The following CFAP43 variants were observed in gnomAD, a reference collection of about 807,000 sequenced individuals.
CFAP43 encodes the protein cilia- and flagella-associated protein 43.
A neutral mutation model predicts 218.9 loss-of-function variants in CFAP43; 155 were observed. The ratio of observed to expected loss-of-function variants is 0.71; its 90% CI spans 0.62 to 0.81. CFAP43 has a LOEUF of 0.81. CFAP43 is among the 30% of genes least tolerant of loss of function. The pLI, the probability that CFAP43 is intolerant of heterozygous loss-of-function variation, is 0.00. For synonymous variants in CFAP43, 645 were observed against 681.3 expected, an observed-to-expected ratio of 0.95 and a Z score of 0.83; for missense variants, 1,778 against 1,954.3, an observed-to-expected ratio of 0.91 and a Z score of 1.70.
At chr10:104,189,994 C>T (rs1030727087) in intron 12 of CFAP43, among the ~76,000 whole-genome samples, 1 of 152,072 alleles carries the variant, frequency 6.6e-6, no homozygotes, top group Admixed American at 6.5e-5. Flanking sequence ...GGTGAAACCC[C>T]GTTTCTACTA....
At chr10:104,173,344 G>A (rs1044716440) in intron 19 of CFAP43, among the ~76,000 whole-genome samples, 2 of 152,292 alleles carry the variant, frequency 1.3e-5, no homozygotes, top group Non-Finnish European at 1.5e-5. Context: ...ACTGAAAGAC[G>A]GAAATCAGAT....
At chr10:104,164,456 G>A (rs1184564217) in intron 23 of CFAP43, among the ~76,000 whole-genome samples, 156 bp from the exon 24 acceptor site, 3 of 148,998 alleles carry the variant, frequency 2.0e-5, no homozygotes, top group Non-Finnish European at 4.4e-5. Flanking sequence ...GGAGTGCAGT[G>A]GCATGATCTC....
intron 34 of CFAP43, among the ~76,000 whole-genome samples, chr10:104,136,053 C>T (rs1307328980): frequency 1.3e-5 from 2 of 151,672 alleles, no homozygotes; most frequent in African/African-American, 2.4e-5. Context: ...AGTTTGAGAC[C>T]AGCCTGGCCA....
chr10:104,192,118 C>T, intron 12 of CFAP43, 81 bp downstream of exon 12: 1 of 1,045,002 alleles, frequency 9.6e-7, no homozygotes, highest in Non-Finnish European at 1.4e-6. Flanking sequence ...TTTCAATATT[C>T]AATATGAAAA....
At chr10:104,186,237 AT>A in intron 14 of CFAP43, 114 bp from the exon 15 acceptor site, 1 of 824,192 alleles carries the variant, frequency 1.2e-6, no homozygotes, top group Non-Finnish European at 1.7e-6. Context: ...ATGATATGGC[AT>A]AAAGTGCAAA....
chr10:104,197,815 T>C, intron 9 of CFAP43, 107 bp downstream of exon 9: 1 of 755,910 alleles, frequency 1.3e-6, no homozygotes, highest in Non-Finnish European at 2.2e-6. Flanking sequence ...TCGCATTGCT[T>C]TGCCCATGAA....
In CFAP43 at chr10:104,206,069, A is replaced by G. The variant is rs757887422; in HGVS notation, c.896-39T>C. 40 of 1,486,906 alleles carry G rather than the reference A, an allele frequency of 2.7e-5. 1 individual carries two copies. In the South Asian group the frequency reaches 4.8e-4, roughly 18 times the overall value. The allele number at this position is 1,486,906 out of a possible 1,614,324, so 92.1% of individuals were successfully genotyped here. A position where few individuals can be genotyped will look rare whatever the true frequency, so the allele number is the denominator to read the frequency against. ...AAAACAAGGTAAAGCAGGTGACGTA[A>G]TTAAAAGTACAATGTAACAATGAAT... On this transcript the variant is annotated intron_variant, in intron 6 of 37. Transcript: ENST00000357060.
chr10:104,225,235 A>G (rs141680249), intron 3 of CFAP43, among the ~76,000 whole-genome samples: 7 of 152,332 alleles, frequency 4.6e-5, no homozygotes, highest in South Asian at 2.1e-4. Context: ...AAGCATGTTA[A>G]TGAAAGAGAA....
intron 28 of CFAP43, among the ~76,000 whole-genome samples, chr10:104,149,312 C>A (rs149705136): frequency 6.3e-4 from 96 of 152,236 alleles, no homozygotes; most frequent in Non-Finnish European, 1.1e-3. Context: ...ACTCAACGCC[C>A]GGGTCCATTA....
At chr10:104,137,550 G>A (rs767788285) in intron 34 of CFAP43, among the ~76,000 whole-genome samples, 88 of 152,180 alleles carry the variant, frequency 5.8e-4, no homozygotes, top group Non-Finnish European at 1.2e-3. Context: ...CCTCACTCCT[G>A]TAATTCCAGC....
intron 25 of CFAP43, 79 bp from the exon 26 acceptor site, chr10:104,162,120 C>A: frequency 6.9e-7 from 1 of 1,441,096 alleles, no homozygotes; most frequent in Non-Finnish European, 9.6e-7. Context: ...CAGCTTCCCA[C>A]CCAACATTAG....
At chr10:104,207,847 T>A in intron 5 of CFAP43, 23 bp from the exon 6 acceptor site, 6 of 1,586,918 alleles carry the variant, frequency 3.8e-6, no homozygotes, top group Non-Finnish European at 5.1e-6. Context: ...AATAAAACCT[T>A]GTGTTAAGAA....
chr10:104,195,673 G>C (rs765565917), intron 10 of CFAP43, among the ~76,000 whole-genome samples: 2 of 152,084 alleles, frequency 1.3e-5, no homozygotes, highest in Admixed American at 6.5e-5. Flanking sequence ...ACTGTGTAAT[G>C]CAGCAAATAA....
chr10:104,180,869 T>A (rs1589719418), intron 17 of CFAP43, among the ~76,000 whole-genome samples: 2 of 152,262 alleles, frequency 1.3e-5, no homozygotes, highest in East Asian at 3.9e-4. Flanking sequence ...GTCCTCTGCA[T>A]CCCTGAACTC....
intron 12 of CFAP43, among the ~76,000 whole-genome samples, chr10:104,191,943 T>TTAA (rs2090237869): frequency 6.6e-6 from 1 of 152,154 alleles, no homozygotes; most frequent in Non-Finnish European, 1.5e-5. Flanking sequence ...AGCCATTTCA[T>TTAA]TAATGTATTT....
At chr10:104,207,627 A>G in intron 6 of CFAP43, 38 bp downstream of exon 6, 1 of 1,577,968 alleles carries the variant, frequency 6.3e-7, no homozygotes, top group Non-Finnish European at 8.6e-7. Context: ...ACCAACACCC[A>G]TGGCTATACA....
chr10:104,161,865 T>A (rs1361753545), intron 26 of CFAP43, 96 bp downstream of exon 26: 1 of 1,139,510 alleles, frequency 8.8e-7, no homozygotes, highest in Non-Finnish European at 1.3e-6. Context: ...GCTGTAGAAC[T>A]TCTAAAACCC....
intron 32 of CFAP43, 56 bp downstream of exon 32, chr10:104,143,370 A>G: frequency 6.8e-7 from 1 of 1,469,144 alleles, no homozygotes; most frequent in Non-Finnish European, 9.3e-7. Context: ...ACCAATGTAA[A>G]CTATGTATTT....
At chr10:104,207,990 T>C (rs1322589481) in intron 5 of CFAP43, among the ~76,000 whole-genome samples, 166 bp from the exon 6 acceptor site, 1 of 152,222 alleles carries the variant, frequency 6.6e-6, no homozygotes, top group African/African-American at 2.4e-5. Context: ...AAGGACAGAC[T>C]GACTTTAATT....
Sources: gnomAD v4.1 joint callset for allele counts (sites outside exome capture counted in the v4.1 genomes callset) on GRCh38, gnomAD v4.1.1 for gene constraint, MANE v1.5 for transcripts, NCBI Gene and HGNC (gene_info 2026-07-23, HGNC 2026-07-21) for gene names.